The following POLI variants were observed in gnomAD, a reference collection of about 807,000 sequenced individuals.
POLI encodes the protein DNA polymerase iota.
A neutral mutation model predicts 51.6 loss-of-function variants in POLI; 58 were observed. That is an observed-to-expected ratio of 1.12 (90% CI 0.91 to 1.40). The LOEUF is 1.40. Ranked by LOEUF, POLI falls within the 40% of genes most tolerant of loss-of-function variation. POLI has a pLI of 0.00. For synonymous variants in POLI, 322 were observed against 299.7 expected, an observed-to-expected ratio of 1.07 and a Z score of -0.77; for missense variants, 921 against 871.3, an observed-to-expected ratio of 1.06 and a Z score of -0.72.
At chr18:54,304,487 T>C (rs1314298162) in intron 3 of POLI, among the ~76,000 whole-genome samples, 1 of 152,250 alleles carries the variant, frequency 6.6e-6, no homozygotes, top group African/African-American at 2.4e-5. Flanking sequence ...ATTGTGGTTT[T>C]GATTTGCATT....
downstream of POLI, among the ~76,000 whole-genome samples, chr18:54,299,299 G>A (rs535468690): frequency 6.6e-6 from 1 of 152,302 alleles, no homozygotes; most frequent in South Asian, 2.1e-4. Flanking sequence ...ACTGGGCGTG[G>A]TGGTGCACGC....
rs2088349669 is a variant in POLI, at chr18:54,296,719, A to G, written c.*2252A>G. On this transcript the variant is annotated 3_prime_UTR_variant, in exon 10 of 10. Coordinates refer to ENST00000579534, the MANE Select transcript of POLI (RefSeq NM_007195.3). ...CATCAGCTCTATCTTTCTGTTTACT[A>G]GTTCATTTTTCAGTAGCATCTCACC... The G allele has an allele frequency of 5.1e-6, 1 of 197,222 alleles. No individual in the cohort carries two copies. 12.2% of individuals were successfully genotyped at this position (197,222 alleles called of 1,614,324 possible). A position where few individuals can be genotyped will look rare whatever the true frequency, so the allele number is the denominator to read the frequency against.
downstream of POLI, among the ~76,000 whole-genome samples, chr18:54,300,388 T>C (rs1467193316): frequency 6.6e-6 from 1 of 152,092 alleles, no homozygotes; most frequent in East Asian, 1.9e-4. Context: ...GTGGGTTACA[T>C]CTTGAAGACA....
intron 1 of POLI, 154 bp downstream of exon 1, chr18:54,269,815 G>T: frequency 7.3e-7 from 1 of 1,366,758 alleles, no homozygotes; most frequent in Non-Finnish European, 9.4e-7. Flanking sequence ...CTTGTGTTAC[G>T]CGGCGGGTAC....
In POLI at chr18:54,294,316, A is replaced by G. The variant is rs1234234437; in HGVS notation, c.2072A>G (p.Glu691Gly). 10 of 1,613,466 alleles carry G rather than the reference A, an allele frequency of 6.2e-6. No homozygotes were observed. The highest frequency in any genetic ancestry group is 5.0e-5 in the Admixed American group (3 of 59,964). ...ACAGACTCTCATGAAGGACTTACAG[A>G]AAATAGAGAGCCAGATTCTGTTGAT... Reference protein sequence around the residue: ...VATDSHEGLTENREPDSVDEK... With the variant: ...VATDSHEGLTGNREPDSVDEK... The change falls in exon 10 of 10, where the codon GAA becomes GGA. Residue 691 changes from glutamate (E) to glycine (G), a missense_variant. Physicochemically the swap from Glu to Gly is moderately conservative, Grantham distance 98 (BLOSUM62 -2). Transcript: ENST00000579534.
At chr18:54,301,775 A>C (rs1284409870), downstream of POLI, among the ~76,000 whole-genome samples, 1 of 152,176 alleles carries the variant, frequency 6.6e-6, no homozygotes, top group African/African-American at 2.4e-5. Flanking sequence ...TTCAGGCAGT[A>C]AGCTAAGGCA....
chr18:54,295,390 G>T lies in POLI; in HGVS notation c.*923G>T. The T allele has an allele frequency of 1.0e-6, 1 of 981,992 alleles. No individual in the cohort carries two copies. The highest frequency in any genetic ancestry group is 1.2e-6 in the Non-Finnish European group (1 of 826,928). 60.8% of individuals were successfully genotyped at this position (981,992 alleles called of 1,614,324 possible). A position where few individuals can be genotyped will look rare whatever the true frequency, so the allele number is the denominator to read the frequency against. On this transcript the variant is annotated 3_prime_UTR_variant, in exon 10 of 10. Transcript: ENST00000579534. ...CCCATTGTTATTGCCTTCCTCTTTT[G>T]CCTGCTAAACTAAAAATTGGATATA...
In POLI at chr18:54,297,292, T is replaced by G; in HGVS notation, c.*2825T>G. 3.4e-6 allele frequency: 2 copies of G among 595,690 alleles called. No individual in the cohort carries two copies. Among genetic ancestry groups the G allele is most frequent in the Non-Finnish European group, 4.2e-6 (2 of 479,278 alleles). 36.9% of individuals were successfully genotyped at this position (595,690 alleles called of 1,614,324 possible). The stretch of plus-strand genomic sequence containing the variant: ...TTGTTTCAGCTCGAGTTTGTTGTTG[T>G]TTTTTTTTTTTCCTGTTTCTGTCTT... On this transcript the variant is annotated 3_prime_UTR_variant, in exon 10 of 10. Coordinates refer to ENST00000579534, the MANE Select transcript of POLI (RefSeq NM_007195.3).
chr18:54,277,097 A>G (rs1259368043), intron 3 of POLI, among the ~76,000 whole-genome samples: 1 of 152,132 alleles, frequency 6.6e-6, no homozygotes, highest in Non-Finnish European at 1.5e-5. Flanking sequence ...AGGACTAGAT[A>G]TTGTGCTAGA....
At chr18:54,273,224 TA>T (rs2087085235) in intron 2 of POLI, among the ~76,000 whole-genome samples, 1 of 152,004 alleles carries the variant, frequency 6.6e-6, no homozygotes, top group South Asian at 2.1e-4. Context: ...AAGTAGTACA[TA>T]ACTGTTAGAT....
chr18:54,305,925 A>AT (rs1475403082), intron 3 of POLI, among the ~76,000 whole-genome samples: 4 of 151,722 alleles, frequency 2.6e-5, no homozygotes, highest in Admixed American at 1.3e-4. Context: ...CGCCTGGCTA[A>AT]TTTTTTGTAT....
At chr18:54,311,237 A>G in intron 3 of POLI, 1 of 255,324 alleles carries the variant, frequency 3.9e-6, no homozygotes, top group Non-Finnish European at 6.2e-6. Context: ...TTGTTGATGC[A>G]TCTACCTCTT....
Position 54,296,480 on chromosome 18 carries a change from G to A in POLI, c.*2013G>A, listed in dbSNP as rs2088335236. 1 of 531,214 alleles carries A rather than the reference G, an allele frequency of 1.9e-6. No homozygotes were observed. Among genetic ancestry groups the A allele is most frequent in the Non-Finnish European group, 2.4e-6 (1 of 415,182 alleles). The allele number at this position is 531,214 out of a possible 1,614,324, so 32.9% of individuals were successfully genotyped here. On this transcript the variant is annotated 3_prime_UTR_variant, in exon 10 of 10. Transcript: ENST00000579534. The stretch of plus-strand genomic sequence containing the variant: ...TGCAGGTTTACTGTATTATTTGGAA[G>A]TGCGAATTTATTTTTATTCTTAGTA...
rs774515081 is a variant in POLI, at chr18:54,293,942, A to G, written c.1698A>G (p.Arg566=). 6.2e-7 allele frequency: 1 copy of G among 1,612,584 alleles called. No individual in the cohort carries two copies. Among genetic ancestry groups the G allele is most frequent in the South Asian group, 1.1e-5 (1 of 91,036 alleles). Residue 566 remains arginine (R), a synonymous_variant, in exon 10 of 10, where the codon AGA becomes AGG. Transcript: ENST00000579534. The part of the protein sequence containing the change: ...GSVSCPLHAS[R]GVLSFFSKKQ... ...TGAGTTGTCCATTACATGCCTCTAGAGGAGTATTATCTTTCTTTTCTAAAA... is the reference window on the plus strand; with the variant it reads ...TGAGTTGTCCATTACATGCCTCTAGGGGAGTATTATCTTTCTTTTCTAAAA...
intron 4 of POLI, among the ~76,000 whole-genome samples, chr18:54,280,334 G>A (rs1487589248): frequency 6.6e-6 from 1 of 152,160 alleles, no homozygotes; most frequent in Non-Finnish European, 1.5e-5. Flanking sequence ...AGCAAGGGCT[G>A]GGGGAGGTGC....
At chr18:54,301,597 T>C (rs561603614), downstream of POLI, among the ~76,000 whole-genome samples, 6 of 152,192 alleles carry the variant, frequency 3.9e-5, no homozygotes, top group African/African-American at 1.4e-4. Context: ...CATATGCATA[T>C]AATAATCAAT....
In POLI at chr18:54,293,758, A is replaced by G. The variant is rs2088142929; in HGVS notation, c.1514A>G (p.Asp505Gly). The change falls in exon 10 of 10, where the codon GAT (aspartate) becomes GGT (glycine). Residue 505 changes from aspartate (D) to glycine (G), a missense_variant. By Grantham distance (94) the Asp-to-Gly change is moderately conservative (BLOSUM62 -1). Transcript: ENST00000579534. ...ESTRTRESPL[D>G]TTNFSKEKDI... is the part of the protein sequence containing the mutation. ...ACAAGAACTAGGGAGTCTCCACTAG[A>G]TACCACAAATTTTTCTAAAGAAAAA... 1.2e-6 allele frequency: 2 copies of G among 1,606,342 alleles called. No homozygotes were observed. Among genetic ancestry groups the G allele is most frequent in the Non-Finnish European group, 1.7e-6 (2 of 1,175,590 alleles).
intron 3 of POLI, among the ~76,000 whole-genome samples, chr18:54,312,411 G>C (rs755557901): frequency 6.6e-6 from 1 of 152,034 alleles, no homozygotes; most frequent in Admixed American, 6.6e-5. Context: ...TGTGAATAGC[G>C]CTGCAGTGAA....
chr18:54,315,211 T>C (rs781358944), intron 3 of POLI, among the ~76,000 whole-genome samples: 5 of 152,192 alleles, frequency 3.3e-5, no homozygotes, highest in Non-Finnish European at 7.4e-5. Flanking sequence ...CTTACTTTCA[T>C]TGTTTACCTG....
Sources: gnomAD v4.1 joint callset for allele counts (sites outside exome capture counted in the v4.1 genomes callset) on GRCh38, gnomAD v4.1.1 for gene constraint, MANE v1.5 for transcripts, NCBI Gene and HGNC (gene_info 2026-07-23, HGNC 2026-07-21) for gene names.